Variants in ROBO1 observed in about 807,000 individuals in gnomAD.
ROBO1 encodes roundabout guidance receptor 1.
A neutral mutation model predicts 195.9 loss-of-function variants in ROBO1; 149 were observed. That is an observed-to-expected ratio of 0.76 (90% confidence interval 0.67 to 0.87). The LOEUF is 0.87. Ranked by LOEUF, ROBO1 falls within the 40% of genes least tolerant of loss-of-function variation. ROBO1 has a pLI of 0.00. For missense variants in ROBO1, 1,933 were observed against 2,068.3 expected, an observed-to-expected ratio of 0.93 and a Z score of 1.27; for synonymous variants, 816 against 733.2, an observed-to-expected ratio of 1.11 and a Z score of -1.82.
chr3:79,027,953 T>G (rs150810187), intron 3 of ROBO1, among the ~76,000 whole-genome samples: 1 of 152,048 alleles, frequency 6.6e-6, no homozygotes, highest in Non-Finnish European at 1.5e-5. Context: ...GATACCGAAA[T>G]TATTCTATTT....
chr3:79,728,145 C>G (rs200187496), intron 1 of ROBO1, among the ~76,000 whole-genome samples: 2 of 137,414 alleles, frequency 1.5e-5, no homozygotes, highest in African/African-American at 2.7e-5. Flanking sequence ...TCCCCCCCCC[C>G]ACAGGAAATT....
intron 2 of ROBO1, among the ~76,000 whole-genome samples, chr3:79,340,146 A>T (rs978781971): frequency 6.6e-6 from 1 of 152,140 alleles, no homozygotes; most frequent in African/African-American, 2.4e-5. Flanking sequence ...AGTTATGCCA[A>T]TCTGCTGGCC....
chr3:79,557,743 A>AT lies in ROBO1; in HGVS notation c.88+32080_88+32081insA, dbSNP rs1553764429. Among the ~76,000 whole-genome samples the AT allele has an allele frequency of 2.1e-3, 274 of 130,824 alleles. 1 individual carries two copies. Among genetic ancestry groups the AT allele is most frequent in the African/African-American group, 2.5e-3 (82 of 32,676 alleles). The allele number at this position is 130,824 out of a possible 152,430, so 85.8% of individuals were successfully genotyped here. On this transcript the variant is annotated intron_variant, in intron 2 of 30. Transcript: ENST00000464233. ...GCGAGACTGTCTTAAAACAAAAAAA[A>AT]ATATATATATATATATATATATTTT...
In ROBO1 at chr3:79,635,411, C is replaced by T. The variant is rs542368673; in HGVS notation, c.-50-45450G>A. Among the ~76,000 whole-genome samples the T allele has an allele frequency of 3.9e-5, 6 of 152,232 alleles. No individual in the cohort carries two copies. In the South Asian group the frequency reaches 1.2e-3, roughly 32 times the overall value. ...AAGTGATTCATTATTGCTAGTGAGCCTGGTTGCTATCTCCTCTTTCTTAAC... is the reference window on the plus strand; with the variant it reads ...AAGTGATTCATTATTGCTAGTGAGCTTGGTTGCTATCTCCTCTTTCTTAAC... On this transcript the variant is annotated intron_variant, in intron 1 of 30. Coordinates refer to ENST00000464233, the MANE Select transcript of ROBO1 (RefSeq NM_002941.4).
chr3:79,126,540 T>A (rs1382651103), intron 2 of ROBO1, among the ~76,000 whole-genome samples: 1 of 152,162 alleles, frequency 6.6e-6, no homozygotes, highest in Non-Finnish European at 1.5e-5. Flanking sequence ...GGTCTGCTAC[T>A]GAGAAGCAGA....
intron 3 of ROBO1, among the ~76,000 whole-genome samples, chr3:79,087,323 A>T (rs974771986): frequency 6.6e-6 from 1 of 152,082 alleles, no homozygotes; most frequent in African/African-American, 2.4e-5. Context: ...TATAAATAGC[A>T]CTGTTTCTAG....
At chr3:78,774,374 G>A (rs1470683110) in intron 4 of ROBO1, among the ~76,000 whole-genome samples, 1 of 151,924 alleles carries the variant, frequency 6.6e-6, no homozygotes, top group Non-Finnish European at 1.5e-5. Context: ...GCAGTGGCCG[G>A]ATCTCGGCTC....
intron 29 of ROBO1, 96 bp from the exon 30 acceptor site, chr3:78,600,405 A>C (rs1703104540): frequency 5.1e-6 from 4 of 791,930 alleles, no homozygotes; most frequent in Non-Finnish European, 6.2e-6. Flanking sequence ...TGAATAAGGA[A>C]GCATCAGTGA....
chr3:79,528,466 G>T (rs9871445), intron 2 of ROBO1, among the ~76,000 whole-genome samples: 110,830 of 152,088 alleles, frequency 0.73, 41,492 homozygotes, highest in African/African-American at 0.92. Flanking sequence ...AAATACCTTA[G>T]GTAGATGGCA....
chr3:79,194,890 G>C (rs570219469), intron 2 of ROBO1, among the ~76,000 whole-genome samples: 2 of 151,520 alleles, frequency 1.3e-5, no homozygotes, highest in Admixed American at 1.3e-4. Context: ...AATAATAAGT[G>C]GGTTTAATAT....
chr3:79,358,174 GA>G (rs1290246696), intron 2 of ROBO1, among the ~76,000 whole-genome samples: 11 of 152,054 alleles, frequency 7.2e-5, no homozygotes, highest in South Asian at 2.1e-4. Context: ...ATGAAATTGT[GA>G]AAAAATACTA....
chr3:79,674,887 C>A (rs920813978), intron 1 of ROBO1, among the ~76,000 whole-genome samples: 1 of 149,752 alleles, frequency 6.7e-6, no homozygotes, highest in African/African-American at 2.4e-5. Flanking sequence ...AATAAAGAAA[C>A]ATTACTCAAC....
At chr3:79,597,051 A>C (rs1455048343) in intron 1 of ROBO1, among the ~76,000 whole-genome samples, 6 of 152,030 alleles carry the variant, frequency 3.9e-5, no homozygotes, top group African/African-American at 1.2e-4. Flanking sequence ...TAAAAAATAC[A>C]TATGTCATAC....
intron 8 of ROBO1, among the ~76,000 whole-genome samples, chr3:78,695,826 C>G (rs925750065): frequency 3.3e-5 from 5 of 151,798 alleles, no homozygotes; most frequent in African/African-American, 1.2e-4. Flanking sequence ...TAAAGGAAAG[C>G]CTGTCTGTTC....
chr3:79,214,408 A>C lies in ROBO1; in HGVS notation c.89-88869T>G, dbSNP rs368769548. 2.2e-3 allele frequency among the ~76,000 whole-genome samples: 342 copies of C among 152,262 alleles called. 2 individuals carry two copies. The highest frequency in any genetic ancestry group is 7.2e-3 in the African/African-American group (300 of 41,556). Reference sequence around the variant, plus strand: ...AGGGCTAAAGGTGGAATGTGGACTCATTTGGATATTGCTGTCCTCCCTTGC... The same window carrying C: ...AGGGCTAAAGGTGGAATGTGGACTCCTTTGGATATTGCTGTCCTCCCTTGC... On this transcript the variant is annotated intron_variant, in intron 2 of 30. Coordinates refer to ENST00000464233, the MANE Select transcript of ROBO1 (RefSeq NM_002941.4).
chr3:78,836,674 A>G (rs2032762157), intron 4 of ROBO1, among the ~76,000 whole-genome samples: 1 of 152,276 alleles, frequency 6.6e-6, no homozygotes. Flanking sequence ...ACTTTGTATT[A>G]ATTTGTATAA....
intron 2 of ROBO1, among the ~76,000 whole-genome samples, chr3:79,466,360 T>C (rs1307776162): frequency 6.6e-6 from 1 of 152,176 alleles, no homozygotes; most frequent in Non-Finnish European, 1.5e-5. Context: ...TGTATTTTAG[T>C]TATAATTCTT....
chr3:79,169,119 A>G (rs2081122872), intron 2 of ROBO1, among the ~76,000 whole-genome samples: 2 of 152,190 alleles, frequency 1.3e-5, no homozygotes, highest in African/African-American at 4.8e-5. Context: ...AGCTTAGATA[A>G]CCAAAGAATA....
At chr3:79,042,901 C>G (rs1486080370) in intron 3 of ROBO1, among the ~76,000 whole-genome samples, 1 of 152,054 alleles carries the variant, frequency 6.6e-6, no homozygotes, top group Non-Finnish European at 1.5e-5. Flanking sequence ...GTCAATTTTT[C>G]CCCTCACTGG....
Sources: gnomAD v4.1 joint callset for allele counts (sites outside exome capture counted in the v4.1 genomes callset) on GRCh38, gnomAD v4.1.1 for gene constraint, MANE v1.5 for transcripts, NCBI Gene and HGNC (gene_info 2026-07-23, HGNC 2026-07-21) for gene names.